Variants in SEMA6D observed in about 807,000 individuals in gnomAD.
SEMA6D encodes the protein semaphorin 6D, also known as semaphorin-6D.
SEMA6D carries 35 observed loss-of-function variants against 106.6 expected under a neutral mutation model. The observed-to-expected ratio is 0.33, with a 90% confidence interval of 0.25 to 0.44. The LOEUF (loss-of-function observed/expected upper bound fraction) is 0.44. SEMA6D is among the 20% of genes least tolerant of loss of function. The pLI is 1.00. For synonymous variants in SEMA6D, 499 were observed against 487.7 expected (o/e 1.02, Z -0.31); for missense variants, 1,185 against 1,345.9 (o/e 0.88, Z 1.87).
chr15:47,349,704 G>A (rs915393161), intron 1 of SEMA6D, among the ~76,000 whole-genome samples: 2 of 150,898 alleles, frequency 1.3e-5, no homozygotes, highest in African/African-American at 4.8e-5. Flanking sequence ...AAAAAAATAT[G>A]GATCTAGAGA....
chr15:47,521,259 C>T (rs111776162), intron 3 of SEMA6D, among the ~76,000 whole-genome samples: 3,556 of 152,228 alleles, frequency 0.023, 141 homozygotes, highest in African/African-American at 0.08. Context: ...GGAGGGGCAG[C>T]GGTGGAAGCA....
chr15:47,228,827 G>T (rs766260800), intron 1 of SEMA6D, among the ~76,000 whole-genome samples: 2 of 151,960 alleles, frequency 1.3e-5, no homozygotes, highest in South Asian at 4.1e-4. Flanking sequence ...GCCAAAGTGG[G>T]TCCCTGTATG....
At chr15:47,238,555 T>C (rs1267791895) in intron 1 of SEMA6D, among the ~76,000 whole-genome samples, 1 of 152,200 alleles carries the variant, frequency 6.6e-6, no homozygotes, top group African/African-American at 2.4e-5. Context: ...TGTGCTTTCC[T>C]TGGGGCCAAG....
intron 3 of SEMA6D, among the ~76,000 whole-genome samples, chr15:47,503,260 T>G (rs1053702206): frequency 1.6e-4 from 25 of 152,210 alleles, no homozygotes; most frequent in Non-Finnish European, 7.3e-5. Context: ...TGTATTCTCT[T>G]TGAAGTAATA....
chr15:47,768,969 G>A (rs1371796322), intron 18 of SEMA6D, among the ~76,000 whole-genome samples: 1 of 152,200 alleles, frequency 6.6e-6, no homozygotes, highest in Non-Finnish European at 1.5e-5. Flanking sequence ...GGCTGGTGAA[G>A]CAGCCACTCA....
intron 1 of SEMA6D, among the ~76,000 whole-genome samples, chr15:47,361,735 C>T (rs1172915301): frequency 6.6e-6 from 1 of 152,188 alleles, no homozygotes; most frequent in Non-Finnish European, 1.5e-5. Context: ...GGTGGGGGCC[C>T]TGTGCCTCTA....
At chr15:47,639,469 T>C (rs1244441105) in intron 4 of SEMA6D, among the ~76,000 whole-genome samples, 4 of 152,150 alleles carry the variant, frequency 2.6e-5, no homozygotes, top group Non-Finnish European at 4.4e-5. Flanking sequence ...TTCCAAATAA[T>C]TAATGGAGGT....
At chr15:47,341,216 C>T (rs913861349) in intron 1 of SEMA6D, among the ~76,000 whole-genome samples, 1 of 151,878 alleles carries the variant, frequency 6.6e-6, no homozygotes, top group Non-Finnish European at 1.5e-5. Context: ...ATGGTGAAAC[C>T]CCATCTCTAC....
At chr15:47,238,482 G>A (rs1038446561) in intron 1 of SEMA6D, among the ~76,000 whole-genome samples, 1 of 151,954 alleles carries the variant, frequency 6.6e-6, no homozygotes, top group South Asian at 2.1e-4. Flanking sequence ...AGCCAAAAGG[G>A]CTCCTTGGTA....
intron 4 of SEMA6D, among the ~76,000 whole-genome samples, chr15:47,685,805 A>C (rs1212872845): frequency 6.6e-6 from 1 of 152,210 alleles, no homozygotes. Flanking sequence ...ACCTGTGAGC[A>C]AGATTGACCC....
At chr15:47,615,196 T>TA (rs1031910183) in intron 4 of SEMA6D, among the ~76,000 whole-genome samples, 8 of 152,084 alleles carry the variant, frequency 5.3e-5, no homozygotes, top group Non-Finnish European at 1.0e-4. Flanking sequence ...AATACAATAA[T>TA]AAAAAATGCA....
chr15:47,725,733 G>T (rs2079700758), intron 1 of SEMA6D, among the ~76,000 whole-genome samples: 1 of 152,204 alleles, frequency 6.6e-6, no homozygotes, highest in Non-Finnish European at 1.5e-5. Flanking sequence ...GTTCTGTGTA[G>T]TATAAGTATG....
intron 1 of SEMA6D, among the ~76,000 whole-genome samples, chr15:47,262,146 A>G (rs898207771): frequency 1.3e-5 from 2 of 152,146 alleles, no homozygotes; most frequent in Non-Finnish European, 2.9e-5. Flanking sequence ...AAAAATCTCT[A>G]CGAGGAGAAC....
intron 3 of SEMA6D, among the ~76,000 whole-genome samples, chr15:47,511,941 A>T (rs2044248451): frequency 6.6e-6 from 1 of 152,204 alleles, no homozygotes; most frequent in Non-Finnish European, 1.5e-5. Flanking sequence ...GACCTCGGTG[A>T]GAAAAAGTTT....
intron 3 of SEMA6D, among the ~76,000 whole-genome samples, chr15:47,546,035 C>T (rs1421978805): frequency 2.6e-5 from 4 of 152,138 alleles, no homozygotes; most frequent in African/African-American, 4.8e-5. Flanking sequence ...CACAGGGACA[C>T]ACACTCGCTA....
intron 3 of SEMA6D, among the ~76,000 whole-genome samples, chr15:47,474,480 T>G (rs2141218103): frequency 6.6e-6 from 1 of 152,338 alleles, no homozygotes; most frequent in East Asian, 1.9e-4. Flanking sequence ...GCATTAAGTC[T>G]TAAACTTACA....
intron 1 of SEMA6D, among the ~76,000 whole-genome samples, chr15:47,734,227 TTA>T (rs1186390571): frequency 1.3e-5 from 2 of 152,240 alleles, no homozygotes; most frequent in African/African-American, 4.8e-5. Flanking sequence ...ACTCACTCAC[TTA>T]TTCATTCATT....
At chr15:47,240,305 A>G (rs1201224860) in intron 1 of SEMA6D, among the ~76,000 whole-genome samples, 1 of 152,146 alleles carries the variant, frequency 6.6e-6, no homozygotes, top group Non-Finnish European at 1.5e-5. Flanking sequence ...CTGGAGTTTG[A>G]TCATAATCAT....
chr15:47,543,274 A>G (rs2045412734), intron 3 of SEMA6D, among the ~76,000 whole-genome samples: 1 of 152,100 alleles, frequency 6.6e-6, no homozygotes, highest in Non-Finnish European at 1.5e-5. Flanking sequence ...CTCACCTCGA[A>G]TTGTAATAAT....
Sources: allele counts gnomAD v4.1 joint callset (sites outside exome capture counted in the v4.1 genomes callset), GRCh38; gene constraint gnomAD v4.1.1; transcripts MANE v1.5; gene names NCBI Gene and HGNC (gene_info 2026-07-23, HGNC 2026-07-21).